PPA2: variants seen among roughly 807,000 people sequenced by gnomAD.
PPA2 encodes inorganic pyrophosphatase 2.
PPA2 carries 48 observed loss-of-function variants against 49.5 expected under a neutral mutation model. The ratio of observed to expected loss-of-function variants is 0.97; its 90% CI spans 0.77 to 1.23. The LOEUF (loss-of-function observed/expected upper bound fraction) is 1.23, where lower values mean the gene tolerates loss of function less well. Among genes scored for constraint, PPA2 ranks in the 50% most tolerant of loss-of-function variants. The probability of loss-of-function intolerance (pLI) is 0.00; values close to 1 mark genes in which losing one functional copy is unlikely to be tolerated. For synonymous variants in PPA2, 131 were observed against 139.9 expected (o/e 0.94, Z 0.45); for missense variants, 429 against 410.1 (o/e 1.05, Z -0.40).
chr4:105,390,413 C>A (rs113266492), intron 9 of PPA2, among the ~76,000 whole-genome samples: 1 of 151,876 alleles, frequency 6.6e-6, no homozygotes, highest in African/African-American at 2.4e-5. Flanking sequence ...ATCTACTTAC[C>A]TGACAAAGGT....
chr4:105,444,665 C>T (rs1277081127), intron 5 of PPA2, among the ~76,000 whole-genome samples: 1 of 152,084 alleles, frequency 6.6e-6, no homozygotes, highest in African/African-American at 2.4e-5. Flanking sequence ...CCGTTCCTCC[C>T]CTTCTCTCTT....
intron 5 of PPA2, among the ~76,000 whole-genome samples, chr4:105,442,897 C>A (rs150562466): frequency 1.6e-4 from 24 of 152,266 alleles, no homozygotes; most frequent in African/African-American, 5.8e-4. Flanking sequence ...TATCCACACA[C>A]GCCTATGAAA....
chr4:105,432,658 T>C (rs898619659), intron 6 of PPA2, among the ~76,000 whole-genome samples: 2 of 152,228 alleles, frequency 1.3e-5, no homozygotes, highest in African/African-American at 4.8e-5. Context: ...CAGCCCAGGA[T>C]GGCTTTCAAT....
chr4:105,459,023 C>T lies in PPA2; in HGVS notation c.158-2278G>A, dbSNP rs1401343663. ...GGATCTCTAGCATCTGGGAAAGTAC[C>T]TAGCACTTAATAGGCATCCAATATA... On this transcript the variant is annotated intron_variant, in intron 1 of 11. Coordinates refer to ENST00000341695, the MANE Select transcript of PPA2 (RefSeq NM_176869.3). 2.0e-5 allele frequency among the ~76,000 whole-genome samples: 3 copies of T among 152,030 alleles called. No individual in the cohort carries two copies. In the East Asian group the frequency reaches 5.8e-4, roughly 29 times the overall value.
chr4:105,449,021 A>G (rs1722539703), intron 4 of PPA2, among the ~76,000 whole-genome samples: 1 of 144,844 alleles, frequency 6.9e-6, no homozygotes, highest in African/African-American at 2.8e-5. Context: ...GATCGAGACC[A>G]TCCCGGCTAA....
At position 105,396,349 on chromosome 4, in the gene PPA2, AC is replaced by A; in HGVS notation, c.784-16del. Reference sequence around the variant, plus strand: ...AGAGCAAAAGCCTAGCTCCAAACAAACAAATAAAAAAAGACGTATTTAATAT... The same window carrying A: ...AGAGCAAAAGCCTAGCTCCAAACAAAAAATAAAAAAAGACGTATTTAATAT... On this transcript the variant is annotated splice_polypyrimidine_tract_variant and intron_variant, in intron 8 of 11. Transcript: ENST00000341695. 6.6e-7 allele frequency: 1 copy of A among 1,523,584 alleles called. No homozygotes were observed. Among genetic ancestry groups the A allele is most frequent in the Admixed American group, 2.1e-5 (1 of 47,578 alleles). The allele number at this position is 1,523,584 out of a possible 1,614,324, so 94.4% of individuals were successfully genotyped here. A position where few individuals can be genotyped will look rare whatever the true frequency, so the allele number is the denominator to read the frequency against.
chr4:105,387,650 G>A (rs150447874), intron 9 of PPA2, among the ~76,000 whole-genome samples: 1 of 152,264 alleles, frequency 6.6e-6, no homozygotes, highest in Non-Finnish European at 1.5e-5. Flanking sequence ...GGCATGAATA[G>A]AATCTGATGA....
At chr4:105,464,417 C>CTTGT (rs1410774301) in intron 1 of PPA2, among the ~76,000 whole-genome samples, 5 of 152,322 alleles carry the variant, frequency 3.3e-5, no homozygotes, top group Non-Finnish European at 5.9e-5. Flanking sequence ...AGGGACTTGC[C>CTTGT]TTGTCTCAGA....
intron 7 of PPA2, among the ~76,000 whole-genome samples, chr4:105,421,000 G>C (rs1723226096): frequency 6.6e-6 from 1 of 152,170 alleles, no homozygotes; most frequent in Non-Finnish European, 1.5e-5. Flanking sequence ...TATAAATTTT[G>C]ATACTGTAGA....
chr4:105,448,056 T>C, intron 4 of PPA2: 1 of 403,964 alleles, frequency 2.5e-6, no homozygotes, highest in Non-Finnish European at 4.9e-6. Flanking sequence ...TCAAAGTTAG[T>C]TTTCTATCAT....
At chr4:105,405,659 C>G (rs1053747458) in intron 7 of PPA2, 13 of 1,011,496 alleles carry the variant, frequency 1.3e-5, no homozygotes, top group African/African-American at 5.1e-5. Flanking sequence ...AAACAGAGAC[C>G]TTTTGACAGG....
chr4:105,421,245 T>C (rs886719234), intron 7 of PPA2, among the ~76,000 whole-genome samples: 5 of 152,096 alleles, frequency 3.3e-5, no homozygotes, highest in Admixed American at 2.6e-4. Flanking sequence ...AAAGTAATAA[T>C]TTGAGTCAAC....
At chr4:105,435,527 G>T (rs1394504746) in intron 6 of PPA2, among the ~76,000 whole-genome samples, 3 of 152,062 alleles carry the variant, frequency 2.0e-5, no homozygotes, top group Non-Finnish European at 2.9e-5. Flanking sequence ...CTAAGAACCT[G>T]AGAAATACAC....
At chr4:105,433,660 T>C (rs921274077) in intron 6 of PPA2, among the ~76,000 whole-genome samples, 1 of 152,238 alleles carries the variant, frequency 6.6e-6, no homozygotes, top group Non-Finnish European at 1.5e-5. Context: ...AGAATTTCCC[T>C]CTACAGTTGA....
chr4:105,432,208 A>G (rs1384951041), intron 6 of PPA2, among the ~76,000 whole-genome samples: 1 of 152,174 alleles, frequency 6.6e-6, no homozygotes, highest in Non-Finnish European at 1.5e-5. Flanking sequence ...TCTCTCCTGA[A>G]ACTATGTTAT....
chr4:105,461,047 CT>C (rs1470518383), intron 1 of PPA2, among the ~76,000 whole-genome samples: 1 of 151,844 alleles, frequency 6.6e-6, no homozygotes, highest in African/African-American at 2.4e-5. Context: ...CAAATATGGC[CT>C]TAGATCTCAG....
At chr4:105,386,475 G>T in intron 10 of PPA2, 92 bp downstream of exon 10, 1 of 1,154,586 alleles carries the variant, frequency 8.7e-7, no homozygotes, top group Non-Finnish European at 1.3e-6. Context: ...AAAAGGACTT[G>T]ACACATTTCA....
intron 9 of PPA2, among the ~76,000 whole-genome samples, chr4:105,394,093 G>A (rs1734034127): frequency 6.6e-6 from 1 of 152,242 alleles, no homozygotes; most frequent in South Asian, 2.1e-4. Context: ...TAGGCCAGGT[G>A]TGGTGGCTCA....
In PPA2 at chr4:105,405,718, TAAAATA is replaced by T. The variant is rs1297359754; in HGVS notation, c.656-6560_656-6555del. 10 of 750,440 alleles carry T rather than the reference TAAAATA, an allele frequency of 1.3e-5. No individual in the cohort carries two copies. The East Asian group carries it at 8.1e-4, about 61-fold the overall frequency. The allele number at this position is 750,440 out of a possible 1,614,324, so 46.5% of individuals were successfully genotyped here. On this transcript the variant is annotated intron_variant, in intron 7 of 11. Coordinates refer to ENST00000341695, the MANE Select transcript of PPA2 (RefSeq NM_176869.3). ...ATGTACTCCCTCAGGCTAACCTACC[TAAAATA>T]GATACCTTATAAACAGATTAACATC...
Sources: gnomAD v4.1 joint callset for allele counts (sites outside exome capture counted in the v4.1 genomes callset) on GRCh38, gnomAD v4.1.1 for gene constraint, MANE v1.5 for transcripts, NCBI Gene and HGNC (gene_info 2026-07-23, HGNC 2026-07-21) for gene names.